CCDC191: variants seen among roughly 807,000 people sequenced by gnomAD.
The protein encoded by CCDC191 is coiled-coil domain-containing protein 191.
Under a neutral mutation model 114.0 loss-of-function variants are expected in CCDC191, and 99 were observed. The observed-to-expected ratio is 0.87, with a 90% CI of 0.74 to 1.03. CCDC191 has a LOEUF of 1.03. Among genes scored for constraint, CCDC191 ranks in the 50% least tolerant of loss-of-function variants. The pLI is 0.00. For synonymous variants in CCDC191, 351 were observed against 376.0 expected (o/e 0.93, Z 0.77); for missense variants, 973 against 1,087.0 (o/e 0.90, Z 1.47).
intron 7 of CCDC191, among the ~76,000 whole-genome samples, chr3:114,025,888 G>A (rs2076313891): frequency 1.3e-5 from 2 of 152,078 alleles, no homozygotes; most frequent in Non-Finnish European, 1.5e-5. Flanking sequence ...TCAGACAAAT[G>A]CTTGATTCAC....
intron 8 of CCDC191, among the ~76,000 whole-genome samples, chr3:114,011,446 CA>C (rs2076068468): frequency 6.6e-6 from 1 of 152,190 alleles, no homozygotes; most frequent in African/African-American, 2.4e-5. Flanking sequence ...GAGAAAGCAA[CA>C]AAATTATAAC....
At chr3:114,013,710 GC>G (rs1400025383) in intron 8 of CCDC191, among the ~76,000 whole-genome samples, 1 of 152,142 alleles carries the variant, frequency 6.6e-6, no homozygotes, top group Non-Finnish European at 1.5e-5. Context: ...GGCAGGCTCT[GC>G]TCATCTAAGA....
At chr3:114,051,291 G>A (rs1031722398) in intron 2 of CCDC191, among the ~76,000 whole-genome samples, 2 of 152,136 alleles carry the variant, frequency 1.3e-5, no homozygotes, top group African/African-American at 4.8e-5. Flanking sequence ...TCTAACTTGA[G>A]TCCTTGAAAG....
intron 3 of CCDC191, among the ~76,000 whole-genome samples, chr3:114,044,707 G>C (rs927673897): frequency 6.6e-6 from 1 of 152,180 alleles, no homozygotes; most frequent in Non-Finnish European, 1.5e-5. Context: ...TATGTGTATA[G>C]TAATTTATAT....
At chr3:114,056,567 A>C (rs749743182), upstream of CCDC191, 2 of 1,603,444 alleles carry the variant, frequency 1.2e-6, no homozygotes. Context: ...CTCCGCCCGC[A>C]AGGAAAGCAG....
intron 13 of CCDC191, among the ~76,000 whole-genome samples, chr3:113,994,829 A>G (rs1052353199): frequency 1.3e-5 from 2 of 152,180 alleles, no homozygotes; most frequent in African/African-American, 4.8e-5. Context: ...AAATCCTCCC[A>G]TCTCAGCCTT....
intron 13 of CCDC191, among the ~76,000 whole-genome samples, chr3:114,000,326 A>G (rs1479168859): frequency 1.3e-5 from 2 of 152,072 alleles, no homozygotes; most frequent in Non-Finnish European, 2.9e-5. Flanking sequence ...GAGCTGGGAT[A>G]TTGGTCTTCT....
chr3:114,030,502 G>A (rs2076389756), intron 7 of CCDC191, among the ~76,000 whole-genome samples: 1 of 152,026 alleles, frequency 6.6e-6, no homozygotes, highest in East Asian at 1.9e-4. Context: ...TAAGTCCTTT[G>A]CTAACTTTTC....
intron 11 of CCDC191, chr3:114,003,365 A>G (rs1360615449): frequency 1.0e-6 from 1 of 985,160 alleles, no homozygotes; most frequent in East Asian, 1.1e-4. Context: ...AAGAATTAAT[A>G]AACAAAAAAC....
At position 113,965,318 on chromosome 3, in the gene CCDC191, A is replaced by T. The variant is rs1257729081; in HGVS notation, c.2648T>A (p.Val883Glu). 6.2e-7 allele frequency: 1 copy of T among 1,610,242 alleles called. No homozygotes were observed. Among genetic ancestry groups the T allele is most frequent in the African/African-American group, 1.3e-5 (1 of 74,660 alleles). Residue 883 changes from valine to glutamate, a missense_variant, in exon 17 of 17, where the codon GTA becomes GAA. Coordinates refer to ENST00000295878, the MANE Select transcript of CCDC191 (RefSeq NM_020817.2). ...TACTCTTTCCTCTTTCATAAATTTT[A>T]CAAACTTCTTCCATGTCCGAAGGGT... ...WITLRTWKKF[V>E]KFMKEERVKE...
intron 5 of CCDC191, among the ~76,000 whole-genome samples, chr3:114,035,928 A>C (rs889750343): frequency 5.9e-5 from 9 of 152,170 alleles, no homozygotes; most frequent in African/African-American, 2.2e-4. Context: ...ATATACCTTC[A>C]TTGAATAATT....
At chr3:114,041,252 C>T (rs1270946821) in intron 4 of CCDC191, among the ~76,000 whole-genome samples, 5 of 151,978 alleles carry the variant, frequency 3.3e-5, no homozygotes, top group African/African-American at 4.8e-5. Flanking sequence ...AAGGCAGCAA[C>T]GAGGATGATA....
chr3:113,992,881 A>T (rs1208456813), intron 13 of CCDC191, among the ~76,000 whole-genome samples: 5 of 152,206 alleles, frequency 3.3e-5, no homozygotes, highest in Non-Finnish European at 7.3e-5. Context: ...AACATACCTG[A>T]TGAACATAAA....
In CCDC191 at chr3:114,012,947, C is replaced by T. The variant is rs189100200; in HGVS notation, c.1164-1926G>A. Among the ~76,000 whole-genome samples the T allele has an allele frequency of 3.9e-5, 6 of 152,198 alleles. No individual in the cohort carries two copies. The East Asian group carries it at 7.7e-4, about 20-fold the overall frequency. On this transcript the variant is annotated intron_variant, in intron 8 of 16. Transcript: ENST00000295878. ...TAAAGCCCACTCTATAATGGTTGTGCGGGGATATGAAAATGTAGTTGGCCA... is the reference window on the plus strand; with the variant it reads ...TAAAGCCCACTCTATAATGGTTGTGTGGGGATATGAAAATGTAGTTGGCCA...
At chr3:114,002,565 AT>A (rs753923169) in intron 11 of CCDC191, 27 bp from the exon 12 acceptor site, 2 of 1,537,344 alleles carry the variant, frequency 1.3e-6, no homozygotes, top group Non-Finnish European at 8.8e-7. Context: ...GAGTTCTAAT[AT>A]TTTTTATATT....
chr3:114,030,308 T>C (rs1379498328), intron 7 of CCDC191, among the ~76,000 whole-genome samples: 1 of 152,188 alleles, frequency 6.6e-6, no homozygotes, highest in Non-Finnish European at 1.5e-5. Context: ...TTTAAGCATT[T>C]TTTAGAAAAC....
intron 16 of CCDC191, among the ~76,000 whole-genome samples, chr3:113,975,847 A>G (rs996546253): frequency 3.3e-5 from 5 of 152,222 alleles, no homozygotes; most frequent in African/African-American, 4.8e-5. Context: ...AATCACAGCA[A>G]TGCTTTTATA....
chr3:114,034,856 A>C, intron 6 of CCDC191, 69 bp downstream of exon 6: 1 of 1,362,032 alleles, frequency 7.3e-7, no homozygotes, highest in Non-Finnish European at 1.0e-6. Context: ...GCACTTCAAA[A>C]ACTTCAGAGC....
At chr3:113,976,263 TA>T (rs543581215) in intron 16 of CCDC191, among the ~76,000 whole-genome samples, 27 of 137,518 alleles carry the variant, frequency 2.0e-4, no homozygotes, top group Admixed American at 3.6e-4. Flanking sequence ...TGTCTCAGGG[TA>T]AAAAAAAAAA....
Sources: allele counts gnomAD v4.1 joint callset (sites outside exome capture counted in the v4.1 genomes callset), GRCh38; gene constraint gnomAD v4.1.1; transcripts MANE v1.5; gene names NCBI Gene and HGNC (gene_info 2026-07-23, HGNC 2026-07-21).